The following UIMC1 variants were observed in gnomAD, a reference collection of about 807,000 sequenced individuals.
UIMC1 encodes the protein BRCA1-A complex subunit RAP80.
A neutral mutation model predicts 84.9 loss-of-function variants in UIMC1; 42 were observed. The ratio of observed to expected loss-of-function variants is 0.49; its 90% CI spans 0.39 to 0.64. UIMC1 has a LOEUF of 0.64. Among genes scored for constraint, UIMC1 ranks in the 30% least tolerant of loss-of-function variants. The pLI, the probability that UIMC1 is intolerant of heterozygous loss-of-function variation, is 0.00. For missense variants in UIMC1, 825 were observed against 847.6 expected (o/e 0.97, Z 0.33); for synonymous variants, 281 against 293.0 (o/e 0.96, Z 0.42).
intron 6 of UIMC1, among the ~76,000 whole-genome samples, chr5:176,958,578 T>C (rs142337662): frequency 3.9e-5 from 6 of 152,284 alleles, no homozygotes; most frequent in Non-Finnish European, 7.4e-5. Flanking sequence ...AAGGAAAATA[T>C]AGAGAAAAGT....
intron 10 of UIMC1, among the ~76,000 whole-genome samples, chr5:176,928,422 A>T (rs1403008919): frequency 2.6e-5 from 4 of 152,314 alleles, no homozygotes; most frequent in African/African-American, 9.6e-5. Context: ...AAGGACTATG[A>T]CACAATAACT....
chr5:176,944,001 T>C (rs540868436), intron 9 of UIMC1, among the ~76,000 whole-genome samples: 1 of 152,342 alleles, frequency 6.6e-6, no homozygotes, highest in East Asian at 1.9e-4. Flanking sequence ...ATCAGTGTGC[T>C]GTGCCTGCTG....
chr5:176,914,238 A>AT (rs1454121510), intron 10 of UIMC1, among the ~76,000 whole-genome samples: 1 of 151,992 alleles, frequency 6.6e-6, no homozygotes, highest in Non-Finnish European at 1.5e-5. Flanking sequence ...TGTTGAGATC[A>AT]TCTGCAGTCT....
intron 1 of UIMC1, among the ~76,000 whole-genome samples, chr5:176,999,491 G>A (rs2149535701): frequency 6.6e-6 from 1 of 151,570 alleles, no homozygotes; most frequent in East Asian, 1.9e-4. Context: ...TCAAATACTG[G>A]GTCTTATTGA....
At chr5:176,951,030 A>C (rs983256933) in intron 9 of UIMC1, among the ~76,000 whole-genome samples, 8 of 152,150 alleles carry the variant, frequency 5.3e-5, no homozygotes, top group African/African-American at 1.9e-4. Flanking sequence ...TTGACTTTGC[A>C]TTTCTGATCA....
chr5:176,977,408 G>T (rs771047087), intron 2 of UIMC1, among the ~76,000 whole-genome samples: 3 of 151,596 alleles, frequency 2.0e-5, no homozygotes, highest in Middle Eastern at 3.4e-3. Flanking sequence ...TATCCAAAAC[G>T]TGCGTTCTTC....
intron 10 of UIMC1, among the ~76,000 whole-genome samples, chr5:176,933,133 G>A (rs535437314): frequency 1.9e-3 from 287 of 152,218 alleles, no homozygotes; most frequent in African/African-American, 6.7e-3. Context: ...GAGAACTGAC[G>A]GGTGAGTGAA....
At position 177,006,654 on chromosome 5, in the gene UIMC1, T is replaced by G. The variant is rs546880598; in HGVS notation, c.-13A>C. ...GCGCAGGCGGCGGGTACTCACTCGC[T>G]GGCGCAGGCCGCTCTGTAGACCTTC... is the stretch of plus-strand genomic sequence containing the variant. On this transcript the variant is annotated 5_prime_UTR_variant, in exon 1 of 15. Transcript: ENST00000511320. 9.2e-4 allele frequency: 139 copies of G among 151,876 alleles called. 2 individuals carry two copies. The highest frequency in any genetic ancestry group is 3.1e-3 in the African/African-American group (128 of 41,396). The allele number at this position is 151,876 out of a possible 1,614,324, so 9.4% of individuals were successfully genotyped here.
intron 10 of UIMC1, among the ~76,000 whole-genome samples, chr5:176,932,881 T>TTTA (rs1228823286): frequency 3.4e-5 from 5 of 149,166 alleles, no homozygotes; most frequent in Admixed American, 1.3e-4. Context: ...TTTTTTTTTT[T>TTTA]ACAGGAATGG....
At chr5:176,967,628 C>CGT (rs1330786050) in intron 6 of UIMC1, among the ~76,000 whole-genome samples, 2 of 152,062 alleles carry the variant, frequency 1.3e-5, no homozygotes, top group Admixed American at 1.3e-4. Context: ...TTAGACCAGG[C>CGT]GTGTTGGCTC....
chr5:176,996,129 T>C (rs1355273253), intron 1 of UIMC1, among the ~76,000 whole-genome samples: 4 of 152,180 alleles, frequency 2.6e-5, no homozygotes, highest in Non-Finnish European at 5.9e-5. Flanking sequence ...AAACTACTGA[T>C]GCATCCAACG....
chr5:176,932,082 G>GTT (rs771723413), intron 10 of UIMC1, among the ~76,000 whole-genome samples: 4 of 152,180 alleles, frequency 2.6e-5, no homozygotes, highest in African/African-American at 9.7e-5. Flanking sequence ...GCAGTGTAAC[G>GTT]TAAGTCTGGG....
chr5:177,018,690 A>G (rs1387207691), intron 1 of UIMC1, among the ~76,000 whole-genome samples: 2 of 152,306 alleles, frequency 1.3e-5, no homozygotes, highest in African/African-American at 4.8e-5. Context: ...CCATTCCTGG[A>G]AGCACTTACA....
At chr5:176,967,105 C>A (rs531131615) in intron 6 of UIMC1, among the ~76,000 whole-genome samples, 2 of 152,284 alleles carry the variant, frequency 1.3e-5, no homozygotes, top group African/African-American at 4.8e-5. Context: ...TGTATATGAT[C>A]TCTATGGAGG....
At chr5:177,020,282 T>C (rs952568892) in intron 1 of UIMC1, among the ~76,000 whole-genome samples, 4 of 152,206 alleles carry the variant, frequency 2.6e-5, no homozygotes, top group Admixed American at 1.3e-4. Flanking sequence ...CCCAGCTCTT[T>C]GCATGGCTAC....
intron 9 of UIMC1, among the ~76,000 whole-genome samples, chr5:176,950,258 C>T (rs2149452872): frequency 6.6e-6 from 1 of 151,228 alleles, no homozygotes; most frequent in Admixed American, 6.6e-5. Flanking sequence ...CACCACCACG[C>T]CCAGCTAATT....
chr5:176,984,054 A>G (rs1209524593), intron 1 of UIMC1, among the ~76,000 whole-genome samples: 2 of 108,842 alleles, frequency 1.8e-5, no homozygotes, highest in Non-Finnish European at 3.9e-5. Context: ...CTGGGAAGTG[A>G]GGAGTGCCTC....
chr5:176,978,286 T>C (rs1453141193), intron 2 of UIMC1, among the ~76,000 whole-genome samples: 1 of 151,896 alleles, frequency 6.6e-6, no homozygotes, highest in East Asian at 1.9e-4. Flanking sequence ...GGCAGGAGAA[T>C]GGTGTAAACC....
intron 10 of UIMC1, chr5:176,919,206 G>A: frequency 2.6e-6 from 1 of 388,792 alleles, no homozygotes; most frequent in Non-Finnish European, 5.0e-6. Context: ...TTGAGGTGGA[G>A]AGGCAGAGGC....
Sources: gnomAD v4.1 joint callset for allele counts (sites outside exome capture counted in the v4.1 genomes callset) on GRCh38, gnomAD v4.1.1 for gene constraint, MANE v1.5 for transcripts, NCBI Gene and HGNC (gene_info 2026-07-23, HGNC 2026-07-21) for gene names.